MAP2: variants seen among roughly 807,000 people sequenced by gnomAD.
The protein encoded by MAP2 is microtubule associated protein 2, also known as microtubule-associated protein 2.
MAP2 carries 14 observed loss-of-function variants against 137.6 expected under a neutral mutation model. The observed-to-expected ratio is 0.10, with a 90% CI of 0.07 to 0.16. MAP2 has a LOEUF of 0.16. MAP2 is among the 10% of genes least tolerant of loss of function. The pLI is 1.00. For missense variants in MAP2, 2,088 were observed against 2,191.5 expected (o/e 0.95, Z 0.94); for synonymous variants, 786 against 782.3 (o/e 1.00, Z -0.08).
At chr2:209,505,658 T>C (rs2060948135) in intron 1 of MAP2, among the ~76,000 whole-genome samples, 1 of 149,132 alleles carries the variant, frequency 6.7e-6, no homozygotes, top group South Asian at 2.1e-4. Flanking sequence ...TTTTTTGTTT[T>C]TGTTTTTGTT....
chr2:209,468,616 G>C (rs188556800), intron 1 of MAP2, among the ~76,000 whole-genome samples: 1 of 151,940 alleles, frequency 6.6e-6, no homozygotes, highest in African/African-American at 2.4e-5. Context: ...CACCGCGCCC[G>C]GCCTCAGTTT....
At chr2:209,489,773 C>G (rs2058841010) in intron 1 of MAP2, among the ~76,000 whole-genome samples, 1 of 152,096 alleles carries the variant, frequency 6.6e-6, no homozygotes, top group South Asian at 2.1e-4. Context: ...AACAAAGCCT[C>G]CAAGAAATAT....
intron 1 of MAP2, among the ~76,000 whole-genome samples, chr2:209,476,269 A>G (rs544321441): frequency 7.2e-5 from 11 of 152,308 alleles, no homozygotes; most frequent in African/African-American, 2.6e-4. Flanking sequence ...GACCTCTGAC[A>G]TAAGATTGTT....
At chr2:209,450,321 C>T (rs1575119859) in intron 1 of MAP2, among the ~76,000 whole-genome samples, 2 of 152,130 alleles carry the variant, frequency 1.3e-5, no homozygotes, top group Admixed American at 1.3e-4. Flanking sequence ...ATGTAATAAG[C>T]CAAGAGCAAT....
intron 1 of MAP2, among the ~76,000 whole-genome samples, chr2:209,425,680 C>T (rs1692363891): frequency 1.3e-5 from 2 of 152,190 alleles, no homozygotes; most frequent in Admixed American, 6.5e-5. Context: ...TCTATGTGAG[C>T]CACATTATGC....
At position 209,547,051 on chromosome 2, in the gene MAP2, C is replaced by T. The variant is rs549536231; in HGVS notation, c.-171-32985C>T. Among the ~76,000 whole-genome samples, 3 of 152,082 alleles carry T rather than the reference C, an allele frequency of 2.0e-5. No individual in the cohort carries two copies. In the East Asian group the frequency reaches 5.8e-4, roughly 29 times the overall value. ...AAATAGAATTCTCACTTTACCTGTC[C>T]AACTGGGAAAAATTGCTCCAATTAT... is the stretch of plus-strand genomic sequence containing the variant. On this transcript the variant is annotated intron_variant, in intron 2 of 15. Transcript: ENST00000682079.
intron 2 of MAP2, among the ~76,000 whole-genome samples, chr2:209,546,097 C>T (rs1172950194): frequency 2.6e-5 from 4 of 152,056 alleles, no homozygotes; most frequent in African/African-American, 7.2e-5. Context: ...AAGCCGAGAT[C>T]GCGCCACTGC....
In MAP2 at chr2:209,732,034, G is replaced by C. The variant is rs2075841027; in HGVS notation, c.*1637G>C. ...TGAAATAGTCAATGGCCTGATTAAG[G>C]CAAAGAGCTACCAGGCTAGATGGAC... On this transcript the variant is annotated 3_prime_UTR_variant, in exon 16 of 16. Coordinates refer to ENST00000682079, the MANE Select transcript of MAP2 (RefSeq NM_001375505.1). 6.6e-6 allele frequency: 1 copy of C among 152,170 alleles called. No individual in the cohort carries two copies. Among genetic ancestry groups the C allele is most frequent in the Non-Finnish European group, 1.5e-5 (1 of 68,042 alleles). The allele number at this position is 152,170 out of a possible 1,614,324, so 9.4% of individuals were successfully genotyped here. A position where few individuals can be genotyped will look rare whatever the true frequency, so the allele number is the denominator to read the frequency against.
chr2:209,655,244 A>G (rs1437962992), intron 5 of MAP2, among the ~76,000 whole-genome samples: 1 of 152,222 alleles, frequency 6.6e-6, no homozygotes, highest in African/African-American at 2.4e-5. Context: ...ATTTGGTATT[A>G]GCTTTTGGAG....
chr2:209,435,956 CAG>C (rs1559159167), intron 1 of MAP2, among the ~76,000 whole-genome samples: 1 of 138,228 alleles, frequency 7.2e-6, no homozygotes, highest in Non-Finnish European at 1.5e-5. Context: ...ACTATATATA[CAG>C]TATATATTAT....
intron 2 of MAP2, among the ~76,000 whole-genome samples, chr2:209,578,163 T>C (rs2075647716): frequency 6.6e-6 from 1 of 152,172 alleles, no homozygotes; most frequent in African/African-American, 2.4e-5. Context: ...CTTGGTCATA[T>C]TCTTTGGGCC....
chr2:209,680,032 T>C (rs1420104588), intron 6 of MAP2, among the ~76,000 whole-genome samples: 1 of 152,174 alleles, frequency 6.6e-6, no homozygotes, highest in African/African-American at 2.4e-5. Context: ...ACAAATCATG[T>C]AAGTGTCTTG....
intron 3 of MAP2, among the ~76,000 whole-genome samples, chr2:209,586,302 C>G (rs1414067817): frequency 6.6e-6 from 1 of 151,798 alleles, no homozygotes; most frequent in Non-Finnish European, 1.5e-5. Context: ...AGAAAATGTT[C>G]TAAAGGAAAG....
At chr2:209,609,822 C>T (rs769649154) in intron 3 of MAP2, among the ~76,000 whole-genome samples, 1 of 152,094 alleles carries the variant, frequency 6.6e-6, no homozygotes, top group Admixed American at 6.6e-5. Context: ...GAGATTGTGT[C>T]CCAAAGTGGT....
At chr2:209,632,781 G>C (rs997274603) in intron 4 of MAP2, among the ~76,000 whole-genome samples, 24 of 152,098 alleles carry the variant, frequency 1.6e-4, no homozygotes, top group African/African-American at 5.8e-4. Flanking sequence ...ATCTGGCCAG[G>C]CACCAGATTC....
chr2:209,592,237 C>G (rs1006405299), intron 3 of MAP2, among the ~76,000 whole-genome samples: 6 of 152,132 alleles, frequency 3.9e-5, no homozygotes, highest in African/African-American at 1.4e-4. Flanking sequence ...ACAATGTACT[C>G]TGTCATTGTA....
At chr2:209,526,532 G>T (rs1428113311) in intron 2 of MAP2, among the ~76,000 whole-genome samples, 1 of 149,542 alleles carries the variant, frequency 6.7e-6, no homozygotes, top group East Asian at 2.0e-4. Flanking sequence ...GAGCACTCTA[G>T]ATTTATTTGG....
At chr2:209,674,614 TATAG>T (rs1244473511) in intron 5 of MAP2, among the ~76,000 whole-genome samples, 5 of 147,674 alleles carry the variant, frequency 3.4e-5, no homozygotes, top group Non-Finnish European at 5.9e-5. Flanking sequence ...CCCCTAAATA[TATAG>T]ATAGATGGAT....
intron 3 of MAP2, among the ~76,000 whole-genome samples, chr2:209,616,101 T>C (rs912494409): frequency 2.6e-5 from 4 of 152,192 alleles, no homozygotes; most frequent in African/African-American, 9.6e-5. Context: ...TCCTGCTGTG[T>C]ATCCTCATTC....
Sources: gnomAD v4.1 joint callset for allele counts (sites outside exome capture counted in the v4.1 genomes callset) on GRCh38, gnomAD v4.1.1 for gene constraint, MANE v1.5 for transcripts, NCBI Gene and HGNC (gene_info 2026-07-23, HGNC 2026-07-21) for gene names.